Variants in PHACTR1 observed in about 807,000 individuals in gnomAD.
The protein encoded by PHACTR1 is phosphatase and actin regulator 1.
In PHACTR1, 16 loss-of-function variants were observed where a neutral mutation model predicts 69.2. The observed-to-expected ratio is 0.23, with a 90% CI of 0.16 to 0.35. PHACTR1 has a LOEUF of 0.35. Ranked by LOEUF, PHACTR1 falls within the 10% of genes least tolerant of loss-of-function variation. PHACTR1 has a pLI of 1.00. For synonymous variants in PHACTR1, 312 were observed against 284.5 expected (o/e 1.10, Z -0.97); for missense variants, 510 against 734.7 (o/e 0.69, Z 3.54).
intron 4 of PHACTR1, among the ~76,000 whole-genome samples, chr6:12,770,540 A>G (rs1258885429): frequency 2.0e-5 from 3 of 152,174 alleles, no homozygotes; most frequent in Non-Finnish European, 4.4e-5. Context: ...GAGGAGCTTC[A>G]AGAGTTGAGG....
At chr6:13,134,557 G>A (rs1821221617) in intron 5 of PHACTR1, among the ~76,000 whole-genome samples, 1 of 152,036 alleles carries the variant, frequency 6.6e-6, no homozygotes, top group Non-Finnish European at 1.5e-5. Context: ...TAAGGGCGGT[G>A]CAAGTTGTGC....
chr6:13,251,513 A>G (rs1445146858), intron 10 of PHACTR1, among the ~76,000 whole-genome samples: 1 of 152,104 alleles, frequency 6.6e-6, no homozygotes, highest in Non-Finnish European at 1.5e-5. Flanking sequence ...CTGGCCTCAT[A>G]TAGGGGAGGG....
At chr6:13,134,988 A>G (rs563156236) in intron 5 of PHACTR1, among the ~76,000 whole-genome samples, 140 of 152,214 alleles carry the variant, frequency 9.2e-4, no homozygotes, top group African/African-American at 3.3e-3. Context: ...ACCATCCTGC[A>G]TGTCAGGAAA....
At chr6:13,152,117 G>T (rs1457529591) in intron 5 of PHACTR1, among the ~76,000 whole-genome samples, 15 of 152,170 alleles carry the variant, frequency 9.9e-5, no homozygotes, top group Admixed American at 9.8e-4. Flanking sequence ...CGGATCATCT[G>T]AAGTCAGGAG....
chr6:12,812,202 C>G lies in PHACTR1; in HGVS notation c.250+62412C>G, dbSNP rs373028485. The stretch of plus-strand genomic sequence containing the variant: ...TAGCAACAACCACTCCCCTTTCTGT[C>G]TCTGCAGATTACTTATTCTGGACAT... On this transcript the variant is annotated intron_variant, in intron 4 of 14. Coordinates refer to ENST00000332995, the MANE Select transcript of PHACTR1 (RefSeq NM_030948.6). Among the ~76,000 whole-genome samples the G allele has an allele frequency of 3.7e-4, 56 of 152,278 alleles. No homozygotes were observed. The South Asian group carries it at 0.011, about 31-fold the overall frequency.
At chr6:13,216,375 G>A (rs1410698953) in intron 8 of PHACTR1, among the ~76,000 whole-genome samples, 1 of 152,152 alleles carries the variant, frequency 6.6e-6, no homozygotes, top group East Asian at 1.9e-4. Context: ...GCTTATGTCT[G>A]TAATGTTTCA....
intron 4 of PHACTR1, among the ~76,000 whole-genome samples, chr6:13,034,354 G>C (rs937677634): frequency 6.6e-6 from 1 of 152,206 alleles, no homozygotes; most frequent in Admixed American, 6.5e-5. Context: ...GCTGCACACA[G>C]AGCAGATGCT....
intron 4 of PHACTR1, among the ~76,000 whole-genome samples, chr6:12,878,735 T>A (rs1452112660): frequency 6.6e-6 from 1 of 152,230 alleles, no homozygotes; most frequent in African/African-American, 2.4e-5. Flanking sequence ...ATTTCACTTC[T>A]GAAATATTTA....
chr6:12,808,000 G>A (rs1457158493), intron 4 of PHACTR1, among the ~76,000 whole-genome samples: 1 of 152,178 alleles, frequency 6.6e-6, no homozygotes, highest in Non-Finnish European at 1.5e-5. Flanking sequence ...GTCAGTAAGT[G>A]TAATCTAGAG....
chr6:12,959,965 G>C (rs897896079), intron 4 of PHACTR1, among the ~76,000 whole-genome samples: 1 of 152,190 alleles, frequency 6.6e-6, no homozygotes, highest in Non-Finnish European at 1.5e-5. Context: ...TTCTGGGATA[G>C]TCCAACATTT....
intron 4 of PHACTR1, among the ~76,000 whole-genome samples, chr6:12,951,606 ACCCTTGGAG>A (rs1328374415): frequency 6.6e-6 from 1 of 152,136 alleles, no homozygotes. Context: ...CCAAGGGCTG[ACCCTTGGAG>A]CACACAGAGC....
intron 4 of PHACTR1, among the ~76,000 whole-genome samples, chr6:13,005,427 T>TA (rs1235598305): frequency 1.3e-5 from 2 of 152,192 alleles, no homozygotes; most frequent in Non-Finnish European, 2.9e-5. Context: ...AGACTCCTCT[T>TA]AGCTTTTGAT....
intron 5 of PHACTR1, among the ~76,000 whole-genome samples, chr6:13,135,680 CAGAAAG>C (rs986550609): frequency 2.0e-5 from 3 of 152,076 alleles, no homozygotes; most frequent in African/African-American, 7.2e-5. Context: ...GAGATAAAGA[CAGAAAG>C]AGACTAATGT....
At chr6:12,912,628 C>T (rs1786538128) in intron 4 of PHACTR1, among the ~76,000 whole-genome samples, 1 of 152,158 alleles carries the variant, frequency 6.6e-6, no homozygotes, top group African/African-American at 2.4e-5. Flanking sequence ...TTGTTTCATC[C>T]TCATTTATCT....
chr6:13,185,112 T>C (rs1406074139), intron 7 of PHACTR1: 10 of 900,490 alleles, frequency 1.1e-5, no homozygotes, highest in East Asian at 6.2e-5. Flanking sequence ...TCTGGGGAGG[T>C]TGCCCTGTGG....
chr6:12,763,215 AAACAACAACAACAACAACAAC>A (rs71701647), intron 4 of PHACTR1, among the ~76,000 whole-genome samples: 11 of 150,106 alleles, frequency 7.3e-5, no homozygotes, highest in South Asian at 2.1e-4. Context: ...TCCGTCTCAA[AAACAACAACAACAACAACAAC>A]AACAACAACA....
chr6:12,802,956 T>TA (rs1773882731), intron 4 of PHACTR1, among the ~76,000 whole-genome samples: 1 of 152,194 alleles, frequency 6.6e-6, no homozygotes, highest in Admixed American at 6.5e-5. Flanking sequence ...AGTGGCAAGA[T>TA]AAAAACCCTA....
intron 4 of PHACTR1, among the ~76,000 whole-genome samples, chr6:12,839,693 C>A (rs145391045): frequency 2.0e-5 from 3 of 152,294 alleles, no homozygotes; most frequent in Non-Finnish European, 4.4e-5. Context: ...TCAAGATGTA[C>A]ACACAAGACA....
At chr6:13,225,011 G>A (rs1204104450) in intron 8 of PHACTR1, among the ~76,000 whole-genome samples, 1 of 151,472 alleles carries the variant, frequency 6.6e-6, no homozygotes, top group East Asian at 1.9e-4. Context: ...GCAAAACGTG[G>A]ACTCAGATCT....
Sources: allele counts gnomAD v4.1 joint callset (sites outside exome capture counted in the v4.1 genomes callset), GRCh38; gene constraint gnomAD v4.1.1; transcripts MANE v1.5; gene names NCBI Gene and HGNC (gene_info 2026-07-23, HGNC 2026-07-21).